Variants in PPP1R13L observed in about 807,000 individuals in gnomAD.
The protein encoded by PPP1R13L is protein phosphatase 1 regulatory subunit 13 like.
PPP1R13L carries 50 observed loss-of-function variants against 80.9 expected under a neutral mutation model. That is an observed-to-expected ratio of 0.62 (90% confidence interval 0.49 to 0.78). The LOEUF (loss-of-function observed/expected upper bound fraction) is 0.78, where lower values mean the gene tolerates loss of function less well. PPP1R13L is among the 30% of genes least tolerant of loss of function. The probability of loss-of-function intolerance (pLI) is 0.00; values close to 1 mark genes in which losing one functional copy is unlikely to be tolerated. For synonymous variants in PPP1R13L, 602 were observed against 534.3 expected (o/e 1.13, Z -1.75); for missense variants, 1,200 against 1,205.9 (o/e 1.00, Z 0.07).
At chr19:45,394,629 ATTTTTTTT>A (rs56394453) in intron 7 of PPP1R13L, 237 of 124,628 alleles carry the variant, frequency 1.9e-3, no homozygotes, top group Admixed American at 2.1e-3. Context: ...TGCCCAGCTA[ATTTTTTTT>A]TTTTTTTTTT....
At chr19:45,383,626 C>G (rs1049966555) in intron 11 of PPP1R13L, among the ~76,000 whole-genome samples, 17 of 152,032 alleles carry the variant, frequency 1.1e-4, no homozygotes, top group Admixed American at 2.6e-4. Flanking sequence ...GCTGAATGCC[C>G]GTGTCAACCC....
chr19:45,385,593 CTCGCGGTAAGGG>C lies in PPP1R13L; in HGVS notation c.2205_2216del (p.Asp735_Arg738del). On this transcript the variant is annotated inframe_deletion, in exon 11 of 13. Transcript: ENST00000360957. Reference sequence around the variant, plus strand: ...GGTAGGTGGCGCAGTCAGCATAACCCTCGCGGTAAGGGTCGCACTTCTCGAAGGCGGTGGCGC... The same window carrying C: ...GGTAGGTGGCGCAGTCAGCATAACCCTCGCACTTCTCGAAGGCGGTGGCGC... 1 of 1,613,074 alleles carries C rather than the reference CTCGCGGTAAGGG, an allele frequency of 6.2e-7. No individual in the cohort carries two copies. The highest frequency in any genetic ancestry group is 8.5e-7 in the Non-Finnish European group (1 of 1,179,804).
rs965107509 is a variant in PPP1R13L at position 45,379,766 on chromosome 19, T to A, written c.*424A>T. ...AGGGATCCTGGTAGAGACCAATGTTTCCCACCCAGACCCCAAGACTGCTGG... is the reference window on the plus strand; with the variant it reads ...AGGGATCCTGGTAGAGACCAATGTTACCCACCCAGACCCCAAGACTGCTGG... On this transcript the variant is annotated 3_prime_UTR_variant, in exon 13 of 13. Coordinates refer to ENST00000360957, the MANE Select transcript of PPP1R13L (RefSeq NM_006663.4). The A allele has an allele frequency of 1.2e-5, 2 of 167,486 alleles. No homozygotes were observed. The highest frequency in any genetic ancestry group is 4.8e-5 in the African/African-American group (2 of 41,822). 10.4% of individuals were successfully genotyped at this position (167,486 alleles called of 1,614,324 possible).
intron 1 of PPP1R13L, among the ~76,000 whole-genome samples, chr19:45,401,124 C>T (rs898881742): frequency 4.6e-5 from 7 of 150,908 alleles, no homozygotes; most frequent in African/African-American, 7.3e-5. Flanking sequence ...GAGGCTAAGG[C>T]GGGAGGATCA....
chr19:45,384,686 T>C (rs113805321), intron 11 of PPP1R13L, among the ~76,000 whole-genome samples: 12,305 of 151,798 alleles, frequency 0.081, 710 homozygotes, highest in Non-Finnish European at 0.12. Context: ...ACCCCTTCTG[T>C]ACTAAAAATA....
At chr19:45,389,994 G>A (rs1228244934) in intron 8 of PPP1R13L, among the ~76,000 whole-genome samples, 2 of 151,798 alleles carry the variant, frequency 1.3e-5, no homozygotes, top group Non-Finnish European at 2.9e-5. Flanking sequence ...GGGTTTCACC[G>A]TGTTAGCCAG....
At chr19:45,384,770 T>G (rs1052443789) in intron 11 of PPP1R13L, among the ~76,000 whole-genome samples, 2 of 150,814 alleles carry the variant, frequency 1.3e-5, no homozygotes, top group African/African-American at 4.9e-5. Context: ...AGAGAATTGC[T>G]TGAATCCAGG....
chr19:45,385,627 G>A lies in PPP1R13L; in HGVS notation c.2183C>T (p.Ala728Val). ...AIFATTLSDGATAFEKCDPYR... is the reference protein window; with the variant it reads ...AIFATTLSDGVTAFEKCDPYR... ...AGGGTCGCACTTCTCGAAGGCGGTG[G>A]CGCCGTCGCTGAGCGTGGTGGCGAA... Residue 728 changes from alanine (A) to valine (V), a missense_variant, in exon 11 of 13, where the codon GCC becomes GTC. Ala to Val is a moderately conservative substitution (Grantham distance 64). This residue lies in a region of PPP1R13L where 165 missense variants were observed against 177.1 expected (regional missense o/e 0.93). Transcript: ENST00000360957. 6.2e-7 allele frequency: 1 copy of A among 1,613,168 alleles called. No individual in the cohort carries two copies. The highest frequency in any genetic ancestry group is 2.2e-5 in the East Asian group (1 of 44,872).
chr19:45,402,534 G>A (rs1973253808), intron 1 of PPP1R13L, among the ~76,000 whole-genome samples: 1 of 152,356 alleles, frequency 6.6e-6, no homozygotes. Flanking sequence ...CCAGGAGGGC[G>A]GACTGCGCCT....
intron 8 of PPP1R13L, among the ~76,000 whole-genome samples, chr19:45,391,134 G>T (rs1972964473): frequency 1.3e-5 from 2 of 151,890 alleles, no homozygotes; most frequent in African/African-American, 4.8e-5. Context: ...GGAGGCGGAG[G>T]TTGCAGTGAG....
At chr19:45,385,992 C>T (rs1972860383) in intron 9 of PPP1R13L, 35 bp from the exon 10 acceptor site, 3 of 1,579,596 alleles carry the variant, frequency 1.9e-6, no homozygotes, top group African/African-American at 1.3e-5. Context: ...GACTCAGTCC[C>T]GCGGCTGGCA....
At position 45,392,074 on chromosome 19, in the gene PPP1R13L, T is replaced by C. The variant is rs1267479973; in HGVS notation, c.1621A>G (p.Lys541Glu). The C allele has an allele frequency of 6.5e-7, 1 of 1,540,102 alleles. No homozygotes were observed. Among genetic ancestry groups the C allele is most frequent in the African/African-American group, 1.4e-5 (1 of 72,456 alleles). Residue 541 changes from lysine to glutamate, a missense_variant, in exon 8 of 13, where the codon AAA becomes GAA. Lys to Glu is a moderately conservative substitution (Grantham distance 56). Coordinates refer to ENST00000360957, the MANE Select transcript of PPP1R13L (RefSeq NM_006663.4). ...PAVALPPTHK[K>E]QYQQIISRLF... Reference sequence around the variant, plus strand: ...CGGCTGATGATCTGCTGGTACTGTTTCTTGTGGGTAGGGGGCAGGGCCACA... The same window carrying C: ...CGGCTGATGATCTGCTGGTACTGTTCCTTGTGGGTAGGGGGCAGGGCCACA...
chr19:45,380,290 C>A, intron 12 of PPP1R13L, 62 bp from the exon 13 acceptor site: 1 of 1,588,716 alleles, frequency 6.3e-7, no homozygotes, highest in Non-Finnish European at 8.6e-7. Flanking sequence ...ACATGCAAAT[C>A]CGCTGCCTGT....
chr19:45,395,511 G>A lies in PPP1R13L; in HGVS notation c.1279C>T (p.Gln427Ter), dbSNP rs1973064958. Reference sequence around the variant, plus strand: ...GGGGTTTGGGGTTGGGTCTGGGGCTGTGGGGGCAGCTGGGGCTGTGGTTGT... The same window carrying A: ...GGGGTTTGGGGTTGGGTCTGGGGCTATGGGGGCAGCTGGGGCTGTGGTTGT... ...QSQPQPQLPP[Q>*]PQTQPQTPTP... Residue 427 changes from glutamine to a stop codon, truncating the protein, a stop_gained, in exon 7 of 13, where the codon CAG becomes TAG. Transcript: ENST00000360957. LOFTEE classifies it high-confidence loss of function. 1.3e-6 allele frequency: 2 copies of A among 1,492,708 alleles called. No individual in the cohort carries two copies. Among genetic ancestry groups the A allele is most frequent in the Admixed American group, 2.0e-5 (1 of 49,648 alleles). The allele number at this position is 1,492,708 out of a possible 1,614,324, so 92.5% of individuals were successfully genotyped here.
chr19:45,402,240 G>T (rs1973247659), intron 1 of PPP1R13L: 2 of 151,750 alleles, frequency 1.3e-5, no homozygotes, highest in African/African-American at 4.9e-5. Flanking sequence ...AGCTGTAAGT[G>T]ACTCTTTTTT....
chr19:45,398,237 C>G, intron 2 of PPP1R13L, 27 bp downstream of exon 2: 1 of 1,613,602 alleles, frequency 6.2e-7, no homozygotes, highest in Non-Finnish European at 8.5e-7. Flanking sequence ...CCCCGCCTCG[C>G]CAGCCCCGCC....
In PPP1R13L at chr19:45,386,271, G is replaced by T. The variant is rs568530080; in HGVS notation, c.1816-91C>A. On this transcript the variant is annotated intron_variant, in intron 8 of 12. Transcript: ENST00000360957. Reference sequence around the variant, plus strand: ...GGAAACAGAGGTCCAGGGACTTGTGGCACCCATCTAGACAGGGGTAGAACT... The same window carrying T: ...GGAAACAGAGGTCCAGGGACTTGTGTCACCCATCTAGACAGGGGTAGAACT... 8.6e-6 allele frequency: 12 copies of T among 1,397,796 alleles called. No individual in the cohort carries two copies. The African/African-American group carries it at 1.3e-4, about 15-fold the overall frequency. The allele number at this position is 1,397,796 out of a possible 1,614,324, so 86.6% of individuals were successfully genotyped here.
chr19:45,397,472 C>CTTTCTTTCTTTCTTTCTTTCTTTCTT (rs1555782660), intron 3 of PPP1R13L, among the ~76,000 whole-genome samples: 4 of 83,404 alleles, frequency 4.8e-5, no homozygotes, highest in Admixed American at 1.5e-4. Context: ...TTCTCTCTCT[C>CTTTCTTTCTTTCTTTCTTTCTTTCTT]TCTTTCTTTC....
intron 8 of PPP1R13L, among the ~76,000 whole-genome samples, chr19:45,386,432 G>C (rs1241016780): frequency 6.6e-6 from 1 of 152,102 alleles, no homozygotes; most frequent in Admixed American, 6.6e-5. Context: ...GGGGCCATGG[G>C]ATTGGTGGCA....
Sources: allele counts gnomAD v4.1 joint callset (sites outside exome capture counted in the v4.1 genomes callset), GRCh38; gene constraint gnomAD v4.1.1; regional missense constraint gnomAD v4.1.1; transcripts MANE v1.5; gene names NCBI Gene and HGNC (gene_info 2026-07-23, HGNC 2026-07-21).